The following ANKRD11 variants were observed in gnomAD, a reference collection of about 807,000 sequenced individuals.
The protein encoded by ANKRD11 is ankyrin repeat domain-containing protein 11.
A neutral mutation model predicts 195.7 loss-of-function variants in ANKRD11; 17 were observed. That is an observed-to-expected ratio of 0.09 (90% CI 0.06 to 0.13). ANKRD11 has a LOEUF of 0.13. Ranked by LOEUF, ANKRD11 falls within the 10% of genes least tolerant of loss-of-function variation. ANKRD11 has a pLI of 1.00. For synonymous variants in ANKRD11, 1,953 were observed against 1,528.1 expected, an observed-to-expected ratio of 1.28 and a Z score of -6.49; for missense variants, 3,735 against 3,566.1, an observed-to-expected ratio of 1.05 and a Z score of -1.21.
rs1567614057 is a variant in ANKRD11, at chr16:89,305,219, C to T, written c.213G>A (p.Lys71=). 2 of 1,613,058 alleles carry T rather than the reference C, an allele frequency of 1.2e-6. No individual in the cohort carries two copies. Among genetic ancestry groups the T allele is most frequent in the South Asian group, 1.1e-5 (1 of 91,064 alleles). Residue 71 remains lysine (K), a synonymous_variant, in exon 4 of 13, where the codon AAG becomes AAA. Transcript: ENST00000301030. ...PFTAGANGEQ[K]DSDTEKQGPE... ...GCGGGCTGGTACCTGTGTCCGAGTC[C>T]TTCTGCTCCCCATTGGCGCCCGCGG...
At chr16:89,324,469 T>C in intron 2 of ANKRD11, 1 of 457,310 alleles carries the variant, frequency 2.2e-6, no homozygotes, top group Non-Finnish European at 4.4e-6. Context: ...TCAACTTGAC[T>C]GGACTAAAGG....
At chr16:89,374,276 C>T (rs988739881) in intron 2 of ANKRD11, among the ~76,000 whole-genome samples, 1 of 152,048 alleles carries the variant, frequency 6.6e-6, no homozygotes, top group Non-Finnish European at 1.5e-5. Flanking sequence ...TAATTCTCTT[C>T]ACTTAAAAAA....
intron 2 of ANKRD11, among the ~76,000 whole-genome samples, chr16:89,341,730 T>C (rs908500331): frequency 6.6e-6 from 1 of 152,118 alleles, no homozygotes; most frequent in African/African-American, 2.4e-5. Flanking sequence ...AAAAGCAAAA[T>C]AAGGTCCTTG....
chr16:89,446,012 A>C (rs60385269), intron 1 of ANKRD11, among the ~76,000 whole-genome samples: 3,147 of 151,920 alleles, frequency 0.021, 114 homozygotes, highest in African/African-American at 0.072. Flanking sequence ...AAAAAAAAAA[A>C]AAAAAAAACC....
At chr16:89,396,404 G>GCC (rs1456155360) in intron 2 of ANKRD11, among the ~76,000 whole-genome samples, 2 of 152,296 alleles carry the variant, frequency 1.3e-5, no homozygotes, top group African/African-American at 4.8e-5. Context: ...CCAAAGGGAA[G>GCC]CCCTGAGACT....
At chr16:89,273,645 C>T (rs1221499653) in intron 11 of ANKRD11, among the ~76,000 whole-genome samples, 12 of 151,330 alleles carry the variant, frequency 7.9e-5, no homozygotes, top group African/African-American at 2.7e-4. Flanking sequence ...TGCAGTGAGC[C>T]AAGATCACAC....
chr16:89,463,567 A>G (rs2152337661), intron 1 of ANKRD11, among the ~76,000 whole-genome samples: 1 of 152,268 alleles, frequency 6.6e-6, no homozygotes, highest in Non-Finnish European at 1.5e-5. Context: ...TAGGAAAACC[A>G]GAGACCTTTG....
Position 89,423,833 on chromosome 16 carries a change from C to T in ANKRD11, c.-144-5465G>A, listed in dbSNP as rs563628162. On this transcript the variant is annotated intron_variant, in intron 1 of 12. Coordinates refer to ENST00000301030, the MANE Select transcript of ANKRD11 (RefSeq NM_013275.6). ...CAGCCTGCGGATGTAACAAACCGCA[C>T]GGCTCGTGCACCTAGAAGGTCACAA... 5.3e-5 allele frequency among the ~76,000 whole-genome samples: 8 copies of T among 152,278 alleles called. No homozygotes were observed. The South Asian group carries it at 6.2e-4, about 12-fold the overall frequency.
chr16:89,383,927 C>A (rs1463680108), intron 2 of ANKRD11, among the ~76,000 whole-genome samples: 1 of 152,252 alleles, frequency 6.6e-6, no homozygotes, highest in Non-Finnish European at 1.5e-5. Context: ...TCACCTCCCA[C>A]TGACGAAGGC....
chr16:89,389,744 T>C (rs1187614324), intron 2 of ANKRD11, among the ~76,000 whole-genome samples: 2 of 145,188 alleles, frequency 1.4e-5, no homozygotes, highest in African/African-American at 5.2e-5. Context: ...AAACACCGAG[T>C]GTGGCGGGGA....
chr16:89,403,254 G>A (rs769615030), intron 2 of ANKRD11, among the ~76,000 whole-genome samples: 4 of 152,124 alleles, frequency 2.6e-5, no homozygotes, highest in Admixed American at 6.5e-5. Flanking sequence ...TATCTGATGC[G>A]CACTCACTCA....
chr16:89,407,619 A>C (rs2041958165), intron 2 of ANKRD11, among the ~76,000 whole-genome samples: 1 of 152,212 alleles, frequency 6.6e-6, no homozygotes, highest in Non-Finnish European at 1.5e-5. Flanking sequence ...TCAGGAGTTC[A>C]AGACCAGCCT....
chr16:89,481,728 T>C (rs1274168199), intron 1 of ANKRD11, among the ~76,000 whole-genome samples: 1 of 152,140 alleles, frequency 6.6e-6, no homozygotes, highest in African/African-American at 2.4e-5. Flanking sequence ...TGCTTCCAGG[T>C]TAATCTGCTG....
chr16:89,335,973 C>G (rs1367620586), intron 2 of ANKRD11, among the ~76,000 whole-genome samples: 1 of 152,218 alleles, frequency 6.6e-6, no homozygotes, highest in Non-Finnish European at 1.5e-5. Flanking sequence ...TTCAAGATGC[C>G]CTGTGACTCT....
chr16:89,347,090 G>A (rs551512645), intron 2 of ANKRD11, among the ~76,000 whole-genome samples: 81 of 152,274 alleles, frequency 5.3e-4, no homozygotes, highest in African/African-American at 1.9e-3. Flanking sequence ...GAGCACATGG[G>A]CTGGGCTCCT....
chr16:89,354,079 G>A (rs1002636544), intron 2 of ANKRD11, among the ~76,000 whole-genome samples: 1 of 152,146 alleles, frequency 6.6e-6, no homozygotes, highest in East Asian at 1.9e-4. Flanking sequence ...CCGCCCAACA[G>A]TCCCATGCCT....
At chr16:89,380,717 G>C (rs1299376404) in intron 2 of ANKRD11, among the ~76,000 whole-genome samples, 1 of 152,240 alleles carries the variant, frequency 6.6e-6, no homozygotes, top group Non-Finnish European at 1.5e-5. Flanking sequence ...TGCTTTCCAG[G>C]GAAGAGAAGT....
At chr16:89,391,660 A>C (rs973283712) in intron 2 of ANKRD11, among the ~76,000 whole-genome samples, 39 of 152,190 alleles carry the variant, frequency 2.6e-4, no homozygotes, top group Admixed American at 2.6e-3. Flanking sequence ...CAAACTCAGT[A>C]ATGATTTTAA....
intron 1 of ANKRD11, among the ~76,000 whole-genome samples, chr16:89,456,108 C>T (rs118013399): frequency 4.6e-5 from 7 of 151,858 alleles, no homozygotes; most frequent in African/African-American, 1.5e-4. Context: ...GGTGTGGTGG[C>T]GTGCACCTGT....
Sources: allele counts gnomAD v4.1 joint callset (sites outside exome capture counted in the v4.1 genomes callset), GRCh38; gene constraint gnomAD v4.1.1; transcripts MANE v1.5; gene names NCBI Gene and HGNC (gene_info 2026-07-23, HGNC 2026-07-21).